Variants in RTL4 observed in about 807,000 individuals in gnomAD.
The protein encoded by RTL4 is retrotransposon Gag like 4.
A neutral mutation model predicts 5.3 loss-of-function variants in RTL4; 4 were observed. The observed-to-expected ratio is 0.75, with a 90% CI of 0.37 to 1.72. The LOEUF (loss-of-function observed/expected upper bound fraction) is 1.72, where lower values mean the gene tolerates loss of function less well. RTL4 is among the 40% of genes most tolerant of loss of function. RTL4 has a pLI of 0.04. For missense variants in RTL4, 260 were observed against 227.1 expected (o/e 1.14, Z -0.93); for synonymous variants, 98 against 87.3 (o/e 1.12, Z -0.68).
At chrX:112,161,832 CCTTCCTTCCTTCCTTT>C in the RTL4 span, among the ~76,000 whole-genome samples, 1 of 26,650 alleles carries the variant, frequency 3.8e-5, no homozygotes, top group Non-Finnish European at 7.8e-5. Flanking sequence ...TTCCTTCCTT[CCTTCCTTCCTTCCTTT>C]CTTTCTTTCT....
At chrX:112,355,451 C>CT in the RTL4 span, among the ~76,000 whole-genome samples, 1 of 111,139 alleles carries the variant, frequency 9.0e-6, no homozygotes, top group Non-Finnish European at 1.9e-5. Flanking sequence ...TATATTTTTT[C>CT]TTTTTCTCAT....
the RTL4 span, among the ~76,000 whole-genome samples, chrX:112,122,042 G>A: frequency 9.0e-6 from 1 of 111,263 alleles, no homozygotes; most frequent in South Asian, 3.8e-4. Flanking sequence ...AAATGCATCC[G>A]TTTGAGACAG....
the RTL4 span, among the ~76,000 whole-genome samples, chrX:112,253,810 A>C: frequency 1.8e-5 from 2 of 112,219 alleles, no homozygotes; most frequent in African/African-American, 6.5e-5. Context: ...CTGCTAAGTT[A>C]CGCCTCTACC....
chrX:112,245,132 T>C, the RTL4 span, among the ~76,000 whole-genome samples: 1 of 111,698 alleles, frequency 9.0e-6, no homozygotes, highest in African/African-American at 3.3e-5. Context: ...CTATCATTTT[T>C]TCCTTCATTT....
chrX:112,184,986 C>T, the RTL4 span, among the ~76,000 whole-genome samples: 2 of 111,543 alleles, frequency 1.8e-5, no homozygotes, highest in African/African-American at 6.5e-5. Context: ...CCCCTAATTT[C>T]ACAGGCCAAT....
At chrX:112,397,543 T>A in the RTL4 span, among the ~76,000 whole-genome samples, 1 of 111,873 alleles carries the variant, frequency 8.9e-6, no homozygotes, top group Non-Finnish European at 1.9e-5. Flanking sequence ...AAATTTCTGC[T>A]GAGATTTTTG....
At chrX:112,097,387 G>A in the RTL4 span, among the ~76,000 whole-genome samples, 4 of 111,315 alleles carry the variant, frequency 3.6e-5, no homozygotes, top group African/African-American at 1.3e-4. Context: ...TGTAACCTGA[G>A]CACTTTGGAA....
the RTL4 span, among the ~76,000 whole-genome samples, chrX:112,361,155 A>C: frequency 9.0e-6 from 1 of 111,239 alleles, no homozygotes; most frequent in African/African-American, 3.3e-5. Context: ...TTATTTTCCC[A>C]ATTGCACAGG....
the RTL4 span, among the ~76,000 whole-genome samples, chrX:112,309,847 CAT>C: frequency 9.4e-6 from 1 of 105,944 alleles, no homozygotes; most frequent in African/African-American, 3.4e-5. Flanking sequence ...TATGTATACA[CAT>C]ATATACACAC....
chrX:112,264,512 T>C, the RTL4 span, among the ~76,000 whole-genome samples: 1 of 112,282 alleles, frequency 8.9e-6, no homozygotes, highest in Non-Finnish European at 1.9e-5. Context: ...ATGGGCTAAA[T>C]AGATGAGTTA....
chrX:112,391,611 G>C, the RTL4 span, among the ~76,000 whole-genome samples: 189 of 107,904 alleles, frequency 1.8e-3, no homozygotes, highest in African/African-American at 6.1e-3. Context: ...GAAGCTTTGG[G>C]GTGTGATCTA....
At chrX:112,272,305 A>AT in the RTL4 span, among the ~76,000 whole-genome samples, 1 of 111,825 alleles carries the variant, frequency 8.9e-6, no homozygotes, top group South Asian at 3.7e-4. Context: ...TATATCTAAC[A>AT]TTTTTTTCTT....
chrX:112,289,134 G>T, the RTL4 span, among the ~76,000 whole-genome samples: 4 of 112,090 alleles, frequency 3.6e-5, no homozygotes, highest in African/African-American at 1.3e-4. Flanking sequence ...AGTACGAAGG[G>T]ACTGAAGTAT....
chrX:112,164,035 TA>T, the RTL4 span, among the ~76,000 whole-genome samples: 5 of 112,193 alleles, frequency 4.5e-5, no homozygotes, highest in African/African-American at 1.3e-4. Context: ...ATTCCATCAG[TA>T]AAATGCTGTT....
chrX:112,174,746 G>A, the RTL4 span, among the ~76,000 whole-genome samples: 7 of 95,546 alleles, frequency 7.3e-5, no homozygotes, highest in East Asian at 3.5e-4. Context: ...AGCACCTGTC[G>A]TTTCCTGACT....
the RTL4 span, among the ~76,000 whole-genome samples, chrX:112,287,170 T>C: frequency 1.8e-5 from 2 of 111,784 alleles, no homozygotes; most frequent in African/African-American, 3.3e-5. Flanking sequence ...AATGAATACA[T>C]GCATCAGTGA....
the RTL4 span, among the ~76,000 whole-genome samples, chrX:112,275,867 C>A: frequency 1.9e-4 from 21 of 111,647 alleles, no homozygotes; most frequent in African/African-American, 6.5e-4. Context: ...TCCAGGAGTT[C>A]AAGGCTACAG....
chrX:112,267,249 C>T, the RTL4 span, among the ~76,000 whole-genome samples: 2 of 112,265 alleles, frequency 1.8e-5, no homozygotes, highest in Non-Finnish European at 3.8e-5. Flanking sequence ...TTGCCTCGAT[C>T]ACTCCATCAA....
the RTL4 span, among the ~76,000 whole-genome samples, chrX:112,135,750 C>A: frequency 9.1e-6 from 1 of 109,934 alleles, no homozygotes; most frequent in African/African-American, 3.3e-5. Flanking sequence ...TTTTAGAGCA[C>A]CACTTACTGA....
Sources: allele counts gnomAD v4.1 joint callset (sites outside exome capture counted in the v4.1 genomes callset), GRCh38; gene constraint gnomAD v4.1.1; transcripts MANE v1.5; gene names NCBI Gene and HGNC (gene_info 2026-07-23, HGNC 2026-07-21).